Variants in PPARGC1A observed in about 807,000 individuals in gnomAD.
The protein encoded by PPARGC1A is PPARG coactivator 1 alpha, also known as peroxisome proliferator-activated receptor gamma coactivator 1-alpha.
A neutral mutation model predicts 88.7 loss-of-function variants in PPARGC1A; 25 were observed. The observed-to-expected ratio is 0.28, with a 90% CI of 0.21 to 0.39. The LOEUF is 0.39. Ranked by LOEUF, PPARGC1A falls within the 10% of genes least tolerant of loss-of-function variation. The probability of loss-of-function intolerance (pLI) is 1.00; values close to 1 mark genes in which losing one functional copy is unlikely to be tolerated. For missense variants in PPARGC1A, 880 were observed against 968.7 expected, an observed-to-expected ratio of 0.91 and a Z score of 1.22; for synonymous variants, 363 against 355.6, an observed-to-expected ratio of 1.02 and a Z score of -0.24.
intron 7 of PPARGC1A, among the ~76,000 whole-genome samples, chr4:23,815,517 A>G (rs960798170): frequency 2.6e-5 from 4 of 152,142 alleles, no homozygotes; most frequent in Non-Finnish European, 5.9e-5. Context: ...ATAAAAAGGA[A>G]GAAAGAGGAA....
At chr4:24,230,274 A>C in the PPARGC1A span, among the ~76,000 whole-genome samples, 1 of 152,156 alleles carries the variant, frequency 6.6e-6, no homozygotes, top group African/African-American at 2.4e-5. Flanking sequence ...TCTTTAAATC[A>C]CTAACCTGCC....
At chr4:24,166,845 C>T in the PPARGC1A span, among the ~76,000 whole-genome samples, 3 of 152,216 alleles carry the variant, frequency 2.0e-5, no homozygotes, top group African/African-American at 7.2e-5. Context: ...ATTGACAATA[C>T]ACCTGGTCAC....
upstream of PPARGC1A, among the ~76,000 whole-genome samples, chr4:23,893,233 A>C (rs143139331): frequency 6.6e-6 from 1 of 152,212 alleles, no homozygotes; most frequent in East Asian, 1.9e-4. Context: ...ACGTTGACTG[A>C]AGTGTATAAC....
the PPARGC1A span, among the ~76,000 whole-genome samples, chr4:24,404,048 G>C: frequency 6.6e-6 from 1 of 152,100 alleles, no homozygotes; most frequent in South Asian, 2.1e-4. Flanking sequence ...TGGATCATGA[G>C]GTCAGGAGAT....
the PPARGC1A span, among the ~76,000 whole-genome samples, chr4:24,112,239 T>C: frequency 6.6e-6 from 1 of 152,184 alleles, no homozygotes; most frequent in Non-Finnish European, 1.5e-5. Flanking sequence ...TGGTAGTGAT[T>C]GTGGCAAACT....
the PPARGC1A span, among the ~76,000 whole-genome samples, chr4:24,223,717 A>G: frequency 6.6e-6 from 1 of 152,250 alleles, no homozygotes; most frequent in Non-Finnish European, 1.5e-5. Flanking sequence ...ATAGTATGCC[A>G]TCATTAAAAA....
At chr4:23,886,868 A>C (rs1407276844) in intron 1 of PPARGC1A, among the ~76,000 whole-genome samples, 1 of 151,454 alleles carries the variant, frequency 6.6e-6, no homozygotes, top group East Asian at 1.9e-4. Context: ...AAAAAAAAAA[A>C]AAAAAACATG....
chr4:24,082,109 A>G, the PPARGC1A span, among the ~76,000 whole-genome samples: 1 of 152,166 alleles, frequency 6.6e-6, no homozygotes, highest in East Asian at 1.9e-4. Flanking sequence ...AAAGACAGTC[A>G]TCGGCAGTAA....
In PPARGC1A at chr4:23,812,814, C is replaced by A. The variant is rs751008411; in HGVS notation, c.1952G>T (p.Arg651Leu). 5.0e-6 allele frequency: 8 copies of A among 1,614,026 alleles called. No homozygotes were observed. Among genetic ancestry groups the A allele is most frequent in the Non-Finnish European group, 6.8e-6 (8 of 1,179,998 alleles). The change falls in exon 10 of 13, where the codon CGC becomes CTC. Residue 651 changes from arginine to leucine, a missense_variant. By Grantham distance (102) the Arg-to-Leu change is moderately radical (BLOSUM62 -2). Transcript: ENST00000264867. Reference sequence around the variant, plus strand: ...AGACTCTCGCTTCTCATACTCTCTGCGATATTCTTCCCTCTTCAGCCTCTC... The same window carrying A: ...AGACTCTCGCTTCTCATACTCTCTGAGATATTCTTCCCTCTTCAGCCTCTC... ...QHERLKREEYRREYEKRESER... is the reference protein window; with the variant it reads ...QHERLKREEYLREYEKRESER...
At chr4:24,239,298 A>G in the PPARGC1A span, among the ~76,000 whole-genome samples, 1 of 152,214 alleles carries the variant, frequency 6.6e-6, no homozygotes, top group Non-Finnish European at 1.5e-5. Flanking sequence ...TGACAAGAAA[A>G]CTGCAAGTGT....
At chr4:24,249,760 G>A in the PPARGC1A span, among the ~76,000 whole-genome samples, 5 of 152,140 alleles carry the variant, frequency 3.3e-5, no homozygotes, top group Non-Finnish European at 4.4e-5. Context: ...GCCGAGCCAA[G>A]TGTGTGTGAC....
the PPARGC1A span, among the ~76,000 whole-genome samples, chr4:24,065,432 T>C: frequency 0.26 from 39,565 of 151,934 alleles, 5,361 homozygotes; most frequent in Admixed American, 0.37. Context: ...GGAGAAGTGA[T>C]CTCCAAAAAC....
chr4:24,197,254 C>A, the PPARGC1A span, among the ~76,000 whole-genome samples: 1 of 152,158 alleles, frequency 6.6e-6, no homozygotes, highest in African/African-American at 2.4e-5. Flanking sequence ...GAAATAACAA[C>A]CTGCCATCTA....
chr4:24,367,977 C>A, the PPARGC1A span, among the ~76,000 whole-genome samples: 1 of 152,162 alleles, frequency 6.6e-6, no homozygotes, highest in Non-Finnish European at 1.5e-5. Context: ...CTCCAACACA[C>A]CCTTTATCTA....
At chr4:23,931,902 T>A in the PPARGC1A span, among the ~76,000 whole-genome samples, 1 of 152,150 alleles carries the variant, frequency 6.6e-6, no homozygotes. Context: ...TCAGGCAAAT[T>A]ATCTCACCTT....
At chr4:23,909,092 C>A in the PPARGC1A span, among the ~76,000 whole-genome samples, 1 of 152,124 alleles carries the variant, frequency 6.6e-6, no homozygotes, top group Non-Finnish European at 1.5e-5. Context: ...TGGTGGGGAT[C>A]AGCCAGGGTC....
At chr4:23,973,484 AAG>A in the PPARGC1A span, among the ~76,000 whole-genome samples, 4 of 151,832 alleles carry the variant, frequency 2.6e-5, no homozygotes, top group South Asian at 2.1e-4. Flanking sequence ...TTGTTTCTTA[AAG>A]AGAGAGAGAG....
At chr4:24,236,815 T>C in the PPARGC1A span, among the ~76,000 whole-genome samples, 1 of 152,188 alleles carries the variant, frequency 6.6e-6, no homozygotes, top group Non-Finnish European at 1.5e-5. Context: ...TACTTATATG[T>C]TCGAAAATCC....
chr4:24,068,084 T>C, the PPARGC1A span, among the ~76,000 whole-genome samples: 3 of 152,206 alleles, frequency 2.0e-5, no homozygotes, highest in Non-Finnish European at 4.4e-5. Context: ...AGGCTGGCAC[T>C]GCTAGGCACA....
Sources: allele counts gnomAD v4.1 joint callset (sites outside exome capture counted in the v4.1 genomes callset), GRCh38; gene constraint gnomAD v4.1.1; transcripts MANE v1.5; gene names NCBI Gene and HGNC (gene_info 2026-07-23, HGNC 2026-07-21).